ZNF547: variants seen among roughly 807,000 people sequenced by gnomAD.
ZNF547 encodes the protein zinc finger protein 547.
A neutral mutation model predicts 7.7 loss-of-function variants in ZNF547; 4 were observed. The observed-to-expected ratio is 0.52, with a 90% CI of 0.26 to 1.20. The LOEUF (loss-of-function observed/expected upper bound fraction) is 1.20, where lower values mean the gene tolerates loss of function less well. Among genes scored for constraint, ZNF547 ranks in the 50% most tolerant of loss-of-function variants. The pLI, the probability that ZNF547 is intolerant of heterozygous loss-of-function variation, is 0.14. For missense variants in ZNF547, 449 were observed against 485.8 expected, an observed-to-expected ratio of 0.92 and a Z score of 0.71; for synonymous variants, 166 against 166.2, an observed-to-expected ratio of 1.00 and a Z score of 0.01.
Position 57,371,778 on chromosome 19 carries a change from G to T in ZNF547, c.25-4G>T, listed in dbSNP as rs1179758924. ...TCATGTATTCATCTTTCCCAATTTGGCAGGGTCATGTGGTTTTTGAAGACG... is the reference window on the plus strand; with the variant it reads ...TCATGTATTCATCTTTCCCAATTTGTCAGGGTCATGTGGTTTTTGAAGACG... On this transcript the variant is annotated splice_polypyrimidine_tract_variant and splice_region_variant and intron_variant, in intron 2 of 3. Coordinates refer to ENST00000282282, the MANE Select transcript of ZNF547 (RefSeq NM_173631.4). The T allele has an allele frequency of 1.9e-6, 3 of 1,604,484 alleles. No individual in the cohort carries two copies. The highest frequency in any genetic ancestry group is 2.5e-6 in the Non-Finnish European group (3 of 1,177,140).
intron 1 of ZNF547, chr19:57,365,071 C>T: frequency 2.5e-6 from 4 of 1,610,650 alleles, no homozygotes; most frequent in Non-Finnish European, 3.4e-6. Flanking sequence ...CACCGCGGGG[C>T]ATATGAGGTT....
intron 2 of ZNF547, 91 bp downstream of exon 2, chr19:57,368,670 C>T: frequency 8.1e-7 from 1 of 1,233,376 alleles, no homozygotes; most frequent in Non-Finnish European, 1.2e-6. Flanking sequence ...TCCAGAGACT[C>T]TCTTTCTGTC....
chr19:57,374,553 A>G (rs1481024154), intron 3 of ZNF547, among the ~76,000 whole-genome samples: 1 of 152,158 alleles, frequency 6.6e-6, no homozygotes, highest in Non-Finnish European at 1.5e-5. Flanking sequence ...GCAGCCTTGA[A>G]TTTCTCCCCA....
intron 1 of ZNF547, chr19:57,365,226 G>T: frequency 6.3e-7 from 1 of 1,579,574 alleles, no homozygotes; most frequent in Non-Finnish European, 8.6e-7. Context: ...GAAAAGTTCA[G>T]TTTCTTGGGA....
Position 57,379,301 on chromosome 19 carries a change from AGTT to A in ZNF547, c.*1119_*1121del, listed in dbSNP as rs2088559531. 1 of 152,232 alleles carries A rather than the reference AGTT, an allele frequency of 6.6e-6. No individual in the cohort carries two copies. Among genetic ancestry groups the A allele is most frequent in the Admixed American group, 6.5e-5 (1 of 15,272 alleles). The allele number at this position is 152,232 out of a possible 1,614,324, so 9.4% of individuals were successfully genotyped here. A position where few individuals can be genotyped will look rare whatever the true frequency, so the allele number is the denominator to read the frequency against. ...TTTTACATTCCTAACATTCCACAAA[AGTT>A]GTGATTTGTCCTCATTCTAATCCAT... On this transcript the variant is annotated 3_prime_UTR_variant, in exon 4 of 4. Transcript: ENST00000282282.
chr19:57,368,080 A>G (rs1039157679), intron 1 of ZNF547: 1 of 155,480 alleles, frequency 6.4e-6, no homozygotes, highest in Admixed American at 6.5e-5. Flanking sequence ...AATTCCTGCA[A>G]ACACTACATA....
Position 57,378,217 on chromosome 19 carries a change from C to A in ZNF547, c.*32C>A. The A allele has an allele frequency of 6.4e-7, 1 of 1,565,748 alleles. No homozygotes were observed. ...TATGAATGCAGTGGATATGGGAAAG[C>A]CTTCAGTCACCAACATATTGTGGCT... On this transcript the variant is annotated 3_prime_UTR_variant, in exon 4 of 4. Coordinates refer to ENST00000282282, the MANE Select transcript of ZNF547 (RefSeq NM_173631.4).
chr19:57,366,571 G>A (rs960303), intron 1 of ZNF547, among the ~76,000 whole-genome samples: 125,488 of 130,756 alleles, frequency 0.96, 60,289 homozygotes, highest in African/African-American at 0.98. Context: ...TTTTTTTGAC[G>A]TGGAGTTTTG....
intron 3 of ZNF547, among the ~76,000 whole-genome samples, chr19:57,373,287 T>C (rs1936291391): frequency 6.6e-6 from 1 of 152,088 alleles, no homozygotes; most frequent in Admixed American, 6.5e-5. Flanking sequence ...ATTTACTCAG[T>C]TTCATGAGAA....
rs140151450 is a variant in ZNF547 at position 57,378,082 on chromosome 19, G to T, written c.1106G>T (p.Cys369Phe). Residue 369 changes from cysteine (C) to phenylalanine (F), a missense_variant, in exon 4 of 4, where the codon TGT (cysteine) becomes TTT (phenylalanine). Coordinates refer to ENST00000282282, the MANE Select transcript of ZNF547 (RefSeq NM_173631.4). ...KAFLTKSHLI[C>F]HQTVHTAAKQ... ...TTCCTTACAAAGTCCCACCTCATTTGTCATCAGACAGTTCACACTGCAGCA... is the reference window on the plus strand; with the variant it reads ...TTCCTTACAAAGTCCCACCTCATTTTTCATCAGACAGTTCACACTGCAGCA... 3.1e-6 allele frequency: 5 copies of T among 1,613,906 alleles called. No homozygotes were observed. The African/African-American group carries it at 6.7e-5, about 22-fold the overall frequency.
rs750171240 is a variant in ZNF547 at position 57,377,138 on chromosome 19, T to C, written c.162T>C (p.His54=). 1 of 1,612,196 alleles carries C rather than the reference T, an allele frequency of 6.2e-7. No individual in the cohort carries two copies. Among genetic ancestry groups the C allele is most frequent in the Non-Finnish European group, 8.5e-7 (1 of 1,178,472 alleles). ...LALLSSLGCC[H]GAEDEEAPLE... ...TTTTTATTCTTACAGGTTGTTGCCA[T>C]GGAGCTGAGGATGAGGAGGCACCTT... Residue 54 remains histidine, a synonymous_variant, in exon 4 of 4, where the codon CAT becomes CAC. Transcript: ENST00000282282.
At chr19:57,374,010 T>G (rs2088521704) in intron 3 of ZNF547, among the ~76,000 whole-genome samples, 1 of 152,206 alleles carries the variant, frequency 6.6e-6, no homozygotes. Context: ...AGGGAGTCTG[T>G]GTGGGGGCTC....
At chr19:57,364,904 C>T in intron 1 of ZNF547, 1 of 1,612,454 alleles carries the variant, frequency 6.2e-7, no homozygotes, top group South Asian at 1.1e-5. Context: ...GAGTTTTTGC[C>T]AGCTGGGAAG....
chr19:57,369,896 G>GTTTTTT (rs1300181023), intron 2 of ZNF547, among the ~76,000 whole-genome samples: 11 of 33,858 alleles, frequency 3.2e-4, no homozygotes, highest in African/African-American at 5.9e-4. Flanking sequence ...TTGACTCACA[G>GTTTTTT]TTCTTTTTTT....
intron 1 of ZNF547, among the ~76,000 whole-genome samples, chr19:57,365,850 CT>C (rs904601329): frequency 1.4e-4 from 21 of 145,754 alleles, no homozygotes; most frequent in African/African-American, 4.9e-4. Flanking sequence ...CTTTCTTTTT[CT>C]TTCTTTCTTT....
chr19:57,377,152 A>G lies in ZNF547; in HGVS notation c.176A>G (p.Glu59Gly), dbSNP rs2088540639. The G allele has an allele frequency of 1.2e-6, 2 of 1,613,748 alleles. No homozygotes were observed. The highest frequency in any genetic ancestry group is 8.5e-7 in the Non-Finnish European group (1 of 1,179,668). ...GGTTGTTGCCATGGAGCTGAGGATG[A>G]GGAGGCACCTTTAGAGCCAGGTGTT... Reference protein sequence around the residue: ...SLGCCHGAEDEEAPLEPGVSV... With the variant: ...SLGCCHGAEDGEAPLEPGVSV... The change falls in exon 4 of 4, where the codon GAG (glutamate) becomes GGG (glycine). Residue 59 changes from glutamate (E) to glycine (G), a missense_variant. By Grantham distance (98) the Glu-to-Gly change is moderately conservative (BLOSUM62 -2). Coordinates refer to ENST00000282282, the MANE Select transcript of ZNF547 (RefSeq NM_173631.4).
intron 3 of ZNF547, among the ~76,000 whole-genome samples, chr19:57,375,532 C>T (rs529371561): frequency 1.8e-4 from 28 of 151,594 alleles, no homozygotes; most frequent in Non-Finnish European, 2.9e-4. Flanking sequence ...CATGGTGGCT[C>T]ATACCTGTTA....
chr19:57,377,678 CT>C lies in ZNF547; in HGVS notation c.703del (p.Ser235LeufsTer101), dbSNP rs771472804. 5 of 1,612,276 alleles carry C rather than the reference CT, an allele frequency of 3.1e-6. No individual in the cohort carries two copies. Among genetic ancestry groups the C allele is most frequent in the Non-Finnish European group, 3.4e-6 (4 of 1,178,626 alleles). ...SHLVRHQTIHSGERPYECSEC... is the reference protein window; with the variant it reads ...SHLVRHQTIHXGERPYECSEC... ...ACCTTGTTCGTCACCAGACAATCCA[CT>C]CTGGAGAAAGGCCTTATGAGTGCAG... On this transcript the variant is annotated frameshift_variant, in exon 4 of 4. Transcript: ENST00000282282. LOFTEE classifies it low-confidence loss of function (END_TRUNC).
chr19:57,370,243 A>G (rs900736126), intron 2 of ZNF547, among the ~76,000 whole-genome samples: 8 of 152,154 alleles, frequency 5.3e-5, no homozygotes, highest in Non-Finnish European at 1.0e-4. Context: ...CAGGAAACTT[A>G]CAATCCTGTG....
Sources: allele counts gnomAD v4.1 joint callset (sites outside exome capture counted in the v4.1 genomes callset), GRCh38; gene constraint gnomAD v4.1.1; transcripts MANE v1.5; gene names NCBI Gene and HGNC (gene_info 2026-07-23, HGNC 2026-07-21).